Variants in CHUK observed in about 807,000 individuals in gnomAD.
CHUK encodes the protein inhibitor of nuclear factor kappa-B kinase subunit alpha.
Under a neutral mutation model 104.8 loss-of-function variants are expected in CHUK, and 35 were observed. That is an observed-to-expected ratio of 0.33 (90% CI 0.26 to 0.44). The LOEUF (loss-of-function observed/expected upper bound fraction) is 0.44, where lower values mean the gene tolerates loss of function less well. Ranked by LOEUF, CHUK falls within the 20% of genes least tolerant of loss-of-function variation. The probability of loss-of-function intolerance (pLI) is 1.00; values close to 1 mark genes in which losing one functional copy is unlikely to be tolerated. For missense variants in CHUK, 663 were observed against 902.7 expected (o/e 0.73, Z 3.40); for synonymous variants, 276 against 291.9 (o/e 0.95, Z 0.56).
chr10:100,212,103 G>A (rs752764616), intron 9 of CHUK, among the ~76,000 whole-genome samples: 5 of 152,010 alleles, frequency 3.3e-5, no homozygotes, highest in African/African-American at 7.2e-5. Context: ...GTCTGGTCTC[G>A]AACTCCTGGC....
In CHUK at chr10:100,222,884, A is replaced by C; in HGVS notation, c.297T>G (p.Ser99=). The change falls in exon 3 of 21, where the codon TCT becomes TCG. Residue 99 remains serine, a synonymous_variant. Coordinates refer to ENST00000370397, the MANE Select transcript of CHUK (RefSeq NM_001278.5). ...DVPLLAMEYC[S]GGDLRKLLNK... ...ACACTACCTTTCGGAGATCTCCTCC[A>C]GAACAGTATTCCATTGCTAGAAGAG... 1 of 1,569,076 alleles carries C rather than the reference A, an allele frequency of 6.4e-7. No individual in the cohort carries two copies. Among genetic ancestry groups the C allele is most frequent in the Non-Finnish European group, 8.8e-7 (1 of 1,139,002 alleles).
At chr10:100,221,890 C>T (rs749473042) in intron 4 of CHUK, among the ~76,000 whole-genome samples, 3 of 152,188 alleles carry the variant, frequency 2.0e-5, no homozygotes, top group Admixed American at 6.5e-5. Context: ...CCTACCTTGG[C>T]CTCCCAAAGT....
intron 16 of CHUK, among the ~76,000 whole-genome samples, chr10:100,196,948 C>A (rs1454633393): frequency 6.6e-6 from 1 of 152,210 alleles, no homozygotes; most frequent in Admixed American, 6.5e-5. Context: ...ATCCCTCCTA[C>A]TGTTCTTTGG....
chr10:100,188,471 T>C lies in CHUK; in HGVS notation c.*1127A>G, dbSNP rs961826252. 24 of 152,664 alleles carry C rather than the reference T, an allele frequency of 1.6e-4. No homozygotes were observed. The highest frequency in any genetic ancestry group is 3.3e-4 in the Admixed American group (5 of 15,286). The allele number at this position is 152,664 out of a possible 1,614,324, so 9.5% of individuals were successfully genotyped here. A position where few individuals can be genotyped will look rare whatever the true frequency, so the allele number is the denominator to read the frequency against. On this transcript the variant is annotated 3_prime_UTR_variant, in exon 21 of 21. Coordinates refer to ENST00000370397, the MANE Select transcript of CHUK (RefSeq NM_001278.5). ...ATCTTCTAAATTACTTAGCAGATGA[T>C]AGAGGTCCACAGTCCTTTCTCTGAA...
intron 9 of CHUK, among the ~76,000 whole-genome samples, chr10:100,212,508 GTTGCATGAGTTTCTTATAAATTTAGGATA>G (rs1845753100): frequency 6.6e-6 from 1 of 152,114 alleles, no homozygotes; most frequent in African/African-American, 2.4e-5. Flanking sequence ...TTGGTATTGA[GTTGCATGAGTTTCTTATAAATTTAGGATA>G]TTAATTTCTT....
chr10:100,199,844 C>A, intron 16 of CHUK, 127 bp downstream of exon 16: 1 of 754,304 alleles, frequency 1.3e-6, no homozygotes, highest in Non-Finnish European at 2.4e-6. Context: ...AATGGCAATA[C>A]CAAAACTGGA....
intron 2 of CHUK, among the ~76,000 whole-genome samples, chr10:100,225,182 A>G (rs1007334388): frequency 1.3e-5 from 2 of 152,158 alleles, no homozygotes; most frequent in African/African-American, 4.8e-5. Context: ...TTTTGCTACT[A>G]TCACTATACT....
chr10:100,228,991 G>GCACA (rs576139683), intron 1 of CHUK, among the ~76,000 whole-genome samples: 10,138 of 114,510 alleles, frequency 0.089, 462 homozygotes, highest in Middle Eastern at 0.22. Context: ...GCGCGCGCGC[G>GCACA]CGCACACACA....
chr10:100,202,785 G>C (rs967725317), intron 13 of CHUK, among the ~76,000 whole-genome samples: 1 of 151,870 alleles, frequency 6.6e-6, no homozygotes, highest in Non-Finnish European at 1.5e-5. Context: ...TTTTTTTGAG[G>C]TAGAGTCTCA....
At chr10:100,221,699 G>A (rs1845991773) in intron 4 of CHUK, among the ~76,000 whole-genome samples, 5 of 152,104 alleles carry the variant, frequency 3.3e-5, no homozygotes, top group Admixed American at 3.3e-4. Context: ...GTGCAGTGGT[G>A]CAATCTCGGC....
At chr10:100,214,058 C>T (rs1186010069) in intron 9 of CHUK, among the ~76,000 whole-genome samples, 1 of 152,094 alleles carries the variant, frequency 6.6e-6, no homozygotes, top group African/African-American at 2.4e-5. Flanking sequence ...AGGCAGATTT[C>T]ACACTATGAC....
chr10:100,189,830 TTTTC>T, intron 20 of CHUK, among the ~76,000 whole-genome samples: 1 of 148,600 alleles, frequency 6.7e-6, no homozygotes, highest in African/African-American at 2.5e-5. Context: ...TTTCCTTTTC[TTTTC>T]TTTTTTTTTT....
intron 10 of CHUK, among the ~76,000 whole-genome samples, chr10:100,208,253 TG>T (rs1845636729): frequency 6.6e-6 from 1 of 152,088 alleles, no homozygotes; most frequent in African/African-American, 2.4e-5. Flanking sequence ...ACTACAGGGG[TG>T]CACCACCAAA....
At chr10:100,223,073 A>G (rs751965837) in intron 2 of CHUK, 93 bp from the exon 3 acceptor site, 25 of 683,246 alleles carry the variant, frequency 3.7e-5, no homozygotes, top group Non-Finnish European at 6.6e-5. Context: ...GTGGATGAAC[A>G]GAGGGGGAAA....
intron 2 of CHUK, among the ~76,000 whole-genome samples, chr10:100,224,726 C>T (rs1846067033): frequency 6.6e-6 from 1 of 152,074 alleles, no homozygotes; most frequent in African/African-American, 2.4e-5. Context: ...TGTGAGCCAC[C>T]ACGCCCGGCC....
chr10:100,197,217 T>G (rs1421360794), intron 16 of CHUK, among the ~76,000 whole-genome samples: 1 of 152,190 alleles, frequency 6.6e-6, no homozygotes, highest in Non-Finnish European at 1.5e-5. Context: ...CATGTAAACA[T>G]AGAAAATACA....
Position 100,209,757 on chromosome 10 carries a change from C to T in CHUK, c.966G>A (p.Lys322=). The change falls in exon 10 of 21, where the codon AAG becomes AAA. Residue 322 remains lysine (K), a synonymous_variant. Transcript: ENST00000370397. ...IVHILNMTSA[K]IISFLLPPDE... ...CAGGTGGTAACAGAAAAGAAATTAT[C>T]TTTGCAGAAGTCATATTTAGGATGT... 1 of 1,517,420 alleles carries T rather than the reference C, an allele frequency of 6.6e-7. No homozygotes were observed. The highest frequency in any genetic ancestry group is 9.2e-7 in the Non-Finnish European group (1 of 1,092,142). 94.0% of individuals were successfully genotyped at this position (1,517,420 alleles called of 1,614,324 possible). A position where few individuals can be genotyped will look rare whatever the true frequency, so the allele number is the denominator to read the frequency against.
intron 14 of CHUK, among the ~76,000 whole-genome samples, chr10:100,201,813 A>T (rs982580379): frequency 7.9e-5 from 12 of 152,150 alleles, no homozygotes; most frequent in Admixed American, 5.2e-4. Flanking sequence ...TGATCATGCC[A>T]CTACACTCCA....
chr10:100,229,522 G>A lies in CHUK; in HGVS notation c.11C>T (p.Pro4Leu). MER[P>L]PGLRPGAGGP... ...GCCCGCGCCCGGCCGCAGCCCCGGG[G>A]GCCGCTCCATGGGGCGGGAGGGCAA... The change falls in exon 1 of 21, where the codon CCC becomes CTC. Residue 4 changes from proline to leucine, a missense_variant. Physicochemically the swap from Pro to Leu is moderately conservative, Grantham distance 98. Around this residue, in one of 5 missense-constraint regions of CHUK, gnomAD observed 44 missense variants for 39.2 expected, o/e 1.12. Coordinates refer to ENST00000370397, the MANE Select transcript of CHUK (RefSeq NM_001278.5). 1 of 1,547,966 alleles carries A rather than the reference G, an allele frequency of 6.5e-7. No homozygotes were observed. The highest frequency in any genetic ancestry group is 1.4e-5 in the African/African-American group (1 of 73,520).
Sources: allele counts gnomAD v4.1 joint callset (sites outside exome capture counted in the v4.1 genomes callset), GRCh38; gene constraint gnomAD v4.1.1; regional missense constraint gnomAD v4.1.1; transcripts MANE v1.5; gene names NCBI Gene and HGNC (gene_info 2026-07-23, HGNC 2026-07-21).